The following ACOXL variants were observed in gnomAD, a reference collection of about 807,000 sequenced individuals.
ACOXL encodes the protein acyl-CoA oxidase like, also known as acyl-coenzyme A oxidase-like protein.
A neutral mutation model predicts 71.9 loss-of-function variants in ACOXL; 70 were observed. The ratio of observed to expected loss-of-function variants is 0.97; its 90% CI spans 0.80 to 1.19. The LOEUF (loss-of-function observed/expected upper bound fraction) is 1.19. Among genes scored for constraint, ACOXL ranks in the 50% most tolerant of loss-of-function variants. ACOXL has a pLI of 0.00. For missense variants in ACOXL, 703 were observed against 736.3 expected (o/e 0.95, Z 0.52); for synonymous variants, 253 against 281.6 (o/e 0.90, Z 1.02).
At chr2:110,995,830 C>T (rs1490442834) in intron 13 of ACOXL, 63 bp from the exon 14 acceptor site, 32 of 1,318,368 alleles carry the variant, frequency 2.4e-5, no homozygotes, top group Non-Finnish European at 3.2e-5. Context: ...TACTCTATTT[C>T]TTTCAAATGA....
chr2:111,097,216 T>G (rs975567842), intron 17 of ACOXL, among the ~76,000 whole-genome samples: 3 of 152,212 alleles, frequency 2.0e-5, no homozygotes, highest in African/African-American at 7.2e-5. Flanking sequence ...TTTGGTTGTT[T>G]TCTGCAGAAA....
At chr2:110,957,406 C>T (rs1352336532) in intron 12 of ACOXL, among the ~76,000 whole-genome samples, 1 of 152,194 alleles carries the variant, frequency 6.6e-6, no homozygotes, top group Non-Finnish European at 1.5e-5. Context: ...TGAGCTAACA[C>T]TTCCCACACG....
At chr2:110,788,069 C>T (rs978634992) in intron 3 of ACOXL, among the ~76,000 whole-genome samples, 1 of 152,138 alleles carries the variant, frequency 6.6e-6, no homozygotes, top group Admixed American at 6.5e-5. Flanking sequence ...AAAATCAAAA[C>T]GATATGGTTG....
intron 11 of ACOXL, among the ~76,000 whole-genome samples, chr2:110,913,589 G>A (rs1290885142): frequency 6.6e-6 from 1 of 152,162 alleles, no homozygotes; most frequent in Non-Finnish European, 1.5e-5. Flanking sequence ...GTGGTTGCCA[G>A]GGACTGAGGG....
intron 12 of ACOXL, among the ~76,000 whole-genome samples, chr2:110,982,873 A>G (rs2062773974): frequency 6.6e-6 from 1 of 152,234 alleles, no homozygotes; most frequent in African/African-American, 2.4e-5. Context: ...CTGCCCTCAG[A>G]AGGGACCATG....
chr2:110,992,612 G>A (rs888055405), intron 13 of ACOXL, among the ~76,000 whole-genome samples: 2 of 152,190 alleles, frequency 1.3e-5, no homozygotes, highest in African/African-American at 4.8e-5. Flanking sequence ...GTCAGTCATG[G>A]TACTGAAAAG....
chr2:110,833,796 G>A (rs1690131716), intron 9 of ACOXL, among the ~76,000 whole-genome samples: 1 of 152,132 alleles, frequency 6.6e-6, no homozygotes, highest in Non-Finnish European at 1.5e-5. Flanking sequence ...TGAATTTTTG[G>A]AGGGTAAGAA....
At chr2:111,065,699 A>C (rs7599513) in intron 16 of ACOXL, among the ~76,000 whole-genome samples, 47,226 of 152,154 alleles carry the variant, frequency 0.31, 7,449 homozygotes, top group East Asian at 0.46. Flanking sequence ...GGAAAAGGGC[A>C]AAAGATAAAA....
At chr2:110,898,331 AC>A (rs1414603090) in intron 10 of ACOXL, among the ~76,000 whole-genome samples, 8 of 152,218 alleles carry the variant, frequency 5.3e-5, no homozygotes, top group Admixed American at 4.6e-4. Context: ...GAATATAGAT[AC>A]AAAAAATTTT....
intron 14 of ACOXL, among the ~76,000 whole-genome samples, chr2:111,000,975 G>A (rs1373373926): frequency 6.6e-6 from 1 of 152,198 alleles, no homozygotes; most frequent in African/African-American, 2.4e-5. Context: ...CAGAGCAGAA[G>A]TATAATCCAG....
chr2:110,737,405 C>T (rs1297623132), intron 1 of ACOXL, among the ~76,000 whole-genome samples: 1 of 152,210 alleles, frequency 6.6e-6, no homozygotes, highest in Non-Finnish European at 1.5e-5. Flanking sequence ...TTCCTATTCT[C>T]TGAAAGTCAG....
intron 1 of ACOXL, among the ~76,000 whole-genome samples, chr2:110,733,783 G>A (rs542776032): frequency 6.6e-6 from 1 of 152,200 alleles, no homozygotes; most frequent in South Asian, 2.1e-4. Context: ...TCAGTGTCTC[G>A]CCGACTTCTC....
At chr2:111,050,500 C>T (rs72836317) in intron 16 of ACOXL, among the ~76,000 whole-genome samples, 4,462 of 152,286 alleles carry the variant, frequency 0.029, 94 homozygotes, top group Non-Finnish European at 0.045. Flanking sequence ...GCTGGCTTTC[C>T]ATGACCTTGA....
At chr2:110,944,556 TACTCA>T (rs2061024584) in intron 12 of ACOXL, among the ~76,000 whole-genome samples, 2 of 152,202 alleles carry the variant, frequency 1.3e-5, no homozygotes, top group Admixed American at 1.3e-4. Flanking sequence ...TGTCTGTGCG[TACTCA>T]ATGTTTAGCT....
intron 16 of ACOXL, among the ~76,000 whole-genome samples, chr2:111,073,339 A>G (rs1009928098): frequency 2.0e-5 from 3 of 152,182 alleles, no homozygotes; most frequent in African/African-American, 7.2e-5. Context: ...TTAAACCTCA[A>G]GTCATGAAGG....
chr2:110,963,585 G>A (rs372442557), intron 12 of ACOXL: 2 of 1,201,498 alleles, frequency 1.7e-6, no homozygotes, highest in African/African-American at 2.9e-5. Context: ...GTGTGTGTGT[G>A]TGTGTGTGTG....
At position 110,806,785 on chromosome 2, in the gene ACOXL, T is replaced by C. The variant is rs375787453; in HGVS notation, c.753+1390T>C. On this transcript the variant is annotated intron_variant, in intron 9 of 17. Coordinates refer to ENST00000439055, the MANE Select transcript of ACOXL (RefSeq NM_001142807.4). ...AGGCTCCTGGGAAACCTTGCACTCT[T>C]GCTGGTTTTGATGGGGTGATGATGT... 1.4e-4 allele frequency among the ~76,000 whole-genome samples: 21 copies of C among 152,248 alleles called. No homozygotes were observed. In the East Asian group the frequency reaches 2.5e-3, roughly 18 times the overall value.
At chr2:110,919,925 A>G (rs1390608462) in intron 11 of ACOXL, among the ~76,000 whole-genome samples, 2 of 152,226 alleles carry the variant, frequency 1.3e-5, no homozygotes, top group African/African-American at 2.4e-5. Flanking sequence ...TATTCGTAGT[A>G]TTCCATTGTA....
intron 9 of ACOXL, among the ~76,000 whole-genome samples, chr2:110,832,970 T>G (rs1283674885): frequency 2.0e-5 from 3 of 152,200 alleles, no homozygotes; most frequent in East Asian, 3.8e-4. Flanking sequence ...ACTGGTACAT[T>G]TCTGGTGAGA....
Sources: gnomAD v4.1 joint callset for allele counts (sites outside exome capture counted in the v4.1 genomes callset) on GRCh38, gnomAD v4.1.1 for gene constraint, MANE v1.5 for transcripts, NCBI Gene and HGNC (gene_info 2026-07-23, HGNC 2026-07-21) for gene names.